The following PSMC5 variants were observed in gnomAD, a reference collection of about 807,000 sequenced individuals.
The protein encoded by PSMC5 is proteasome 26S subunit, ATPase 5.
Under a neutral mutation model 49.1 loss-of-function variants are expected in PSMC5, and 11 were observed. The ratio of observed to expected loss-of-function variants is 0.22; its 90% confidence interval spans 0.14 to 0.37. The LOEUF (loss-of-function observed/expected upper bound fraction) is 0.37, where lower values mean the gene tolerates loss of function less well. Ranked by LOEUF, PSMC5 falls within the 10% of genes least tolerant of loss-of-function variation. PSMC5 has a pLI of 1.00. For missense variants in PSMC5, 229 were observed against 520.9 expected (o/e 0.44, Z 5.45); for synonymous variants, 206 against 192.2 (o/e 1.07, Z -0.59).
At position 63,830,627 on chromosome 17, in the gene PSMC5, G is replaced by GA. The variant is rs1054336460; in HGVS notation, c.552+130dup. The GA allele has an allele frequency of 6.7e-6, 10 of 1,488,504 alleles. No homozygotes were observed. In the African/African-American group the frequency reaches 1.3e-4, roughly 19 times the overall value. 92.2% of individuals were successfully genotyped at this position (1,488,504 alleles called of 1,614,324 possible). On this transcript the variant is annotated intron_variant, in intron 6 of 11. Transcript: ENST00000310144. The surrounding 1 kb of genome is among the most constrained non-coding windows in gnomAD (Gnocchi z 4.0). Reference sequence around the variant, plus strand: ...TCTTGCTTGGGCTGGCCCTCCCCCTGAAAAGAGTGGCTGGGGAAGTGTTCC... The same window carrying GA: ...TCTTGCTTGGGCTGGCCCTCCCCCTGAAAAAGAGTGGCTGGGGAAGTGTTCC...
intron 1 of PSMC5, chr17:63,827,923 G>C: frequency 7.3e-7 from 1 of 1,366,958 alleles, no homozygotes; most frequent in Non-Finnish European, 9.7e-7. Context: ...AGTCGTATGA[G>C]GTAGGCGGCG....
At position 63,831,724 on chromosome 17, in the gene PSMC5, G is replaced by A; in HGVS notation, c.1081G>A (p.Gly361Ser). 1 of 1,614,162 alleles carries A rather than the reference G, an allele frequency of 6.2e-7. No individual in the cohort carries two copies. The highest frequency in any genetic ancestry group is 8.5e-7 in the Non-Finnish European group (1 of 1,180,034). ...GCCTCAATTTCCTTTTCCTGTTCAG[G>A]GCGTGTGCACAGAAGCTGGCATGTA... The part of the protein sequence containing the change: ...MPGASGAEVK[G>S]VCTEAGMYAL... The change falls in exon 11 of 12, where the codon GGC becomes AGC. Residue 361 changes from glycine to serine, a missense_variant and splice_region_variant. Around this residue, in one of 4 missense-constraint regions of PSMC5, gnomAD observed 121 missense variants for 330.6 expected, o/e 0.37. Transcript: ENST00000310144. The surrounding 1 kb of genome is among the most constrained non-coding windows in gnomAD (Gnocchi z 6.3).
Position 63,827,443 on chromosome 17 carries a change from G to A in PSMC5, c.-48G>A. The A allele has an allele frequency of 1.9e-6, 3 of 1,551,720 alleles. No homozygotes were observed. The highest frequency in any genetic ancestry group is 2.6e-6 in the Non-Finnish European group (3 of 1,146,986). On this transcript the variant is annotated 5_prime_UTR_variant, in exon 1 of 12. Transcript: ENST00000310144. The stretch of plus-strand genomic sequence containing the variant: ...GTCCCAATCCTCCGCTTCCGCGCTT[G>A]CGCGCCAAGACGGCTCGGATGCCGG...
chr17:63,830,318 G>A lies in PSMC5; in HGVS notation c.369G>A (p.Leu123=). 6.2e-7 allele frequency: 1 copy of A among 1,614,220 alleles called. No individual in the cohort carries two copies. The highest frequency in any genetic ancestry group is 1.1e-5 in the South Asian group (1 of 91,082). Residue 123 remains leucine, a synonymous_variant, in exon 6 of 12, where the codon CTG becomes CTA. Coordinates refer to ENST00000310144, the MANE Select transcript of PSMC5 (RefSeq NM_002805.6). This position sits in a 1 kb window ranked among gnomAD's most constrained non-coding sequence, Gnocchi z 4.0. The part of the protein sequence containing the change: ...RVALRNDSYT[L]HKILPNKVDP... The stretch of plus-strand genomic sequence containing the variant: ...CTCTAAGGAATGACAGCTACACTCT[G>A]CACAAGATCCTGCCCAACAAGGTAG...
At position 63,831,136 on chromosome 17, in the gene PSMC5, G is replaced by A. The variant is rs1171232854; in HGVS notation, c.780G>A (p.Glu260=). The change falls in exon 8 of 12, where the codon GAG becomes GAA. Residue 260 remains glutamate (E), a synonymous_variant. Transcript: ENST00000310144. The surrounding 1 kb of genome is among the most constrained non-coding windows in gnomAD (Gnocchi z 6.3). The stretch of plus-strand genomic sequence containing the variant: ...ACTCCATCGGCTCCTCGCGGCTGGA[G>A]GGGGGTTCTGGAGGGGACAGTGAAG... ...EIDSIGSSRL[E]GGSGGDSEVQ... 6.4e-7 allele frequency: 1 copy of A among 1,567,670 alleles called. No individual in the cohort carries two copies. Among genetic ancestry groups the A allele is most frequent in the South Asian group, 1.2e-5 (1 of 82,924 alleles).
intron 2 of PSMC5, 105 bp from the exon 3 acceptor site, chr17:63,829,389 G>A (rs1348892085): frequency 3.0e-6 from 3 of 986,276 alleles, no homozygotes; most frequent in African/African-American, 3.3e-5. Flanking sequence ...CAGGTGCCCT[G>A]TGCCCTTCCC....
At position 63,831,490 on chromosome 17, in the gene PSMC5, T is replaced by C. The variant is rs1164260515; in HGVS notation, c.970-16T>C. ...GGGTGGGGTGTGGGGCTCAGGCTTTTCCTTGCCATCTCCAGGCCCGGCTGG... is the reference window on the plus strand; with the variant it reads ...GGGTGGGGTGTGGGGCTCAGGCTTTCCCTTGCCATCTCCAGGCCCGGCTGG... On this transcript the variant is annotated splice_polypyrimidine_tract_variant and intron_variant, in intron 9 of 11. Transcript: ENST00000310144. The surrounding 1 kb of genome is among the most constrained non-coding windows in gnomAD (Gnocchi z 6.3). 6.2e-7 allele frequency: 1 copy of C among 1,613,646 alleles called. No homozygotes were observed. The highest frequency in any genetic ancestry group is 8.5e-7 in the Non-Finnish European group (1 of 1,179,714).
rs1169847802 is a variant in PSMC5, at chr17:63,828,383, C to T, written c.96+174C>T. The T allele has an allele frequency of 6.5e-6, 4 of 612,418 alleles. No homozygotes were observed. In the East Asian group the frequency reaches 1.1e-4, roughly 17 times the overall value. The allele number at this position is 612,418 out of a possible 1,614,324, so 37.9% of individuals were successfully genotyped here. A position where few individuals can be genotyped will look rare whatever the true frequency, so the allele number is the denominator to read the frequency against. On this transcript the variant is annotated intron_variant, in intron 2 of 11. Transcript: ENST00000310144. The stretch of plus-strand genomic sequence containing the variant: ...TATCAGAAGTAAGCAATCTCTTGTT[C>T]TCCTCCAGTCCCATCTCTTTGAGGG...
Position 63,829,480 on chromosome 17 carries a change from C to T in PSMC5, c.97-14C>T, listed in dbSNP as rs754140351. ...TGCCCTTGAATAATGGAATTTGTCT[C>T]TTGTCTGCCACAGCTGATTGTGAAT... On this transcript the variant is annotated splice_polypyrimidine_tract_variant and intron_variant, in intron 2 of 11. Transcript: ENST00000310144. 1 of 1,552,388 alleles carries T rather than the reference C, an allele frequency of 6.4e-7. No individual in the cohort carries two copies. The highest frequency in any genetic ancestry group is 8.7e-7 in the Non-Finnish European group (1 of 1,147,288).
Position 63,827,452 on chromosome 17 carries a change from G to A in PSMC5, c.-39G>A. On this transcript the variant is annotated 5_prime_UTR_variant, in exon 1 of 12. Coordinates refer to ENST00000310144, the MANE Select transcript of PSMC5 (RefSeq NM_002805.6). ...CTCCGCTTCCGCGCTTGCGCGCCAAGACGGCTCGGATGCCGGCGGTCTCTG... is the reference window on the plus strand; with the variant it reads ...CTCCGCTTCCGCGCTTGCGCGCCAAAACGGCTCGGATGCCGGCGGTCTCTG... 1 of 1,551,752 alleles carries A rather than the reference G, an allele frequency of 6.4e-7. No individual in the cohort carries two copies. Among genetic ancestry groups the A allele is most frequent in the South Asian group, 1.2e-5 (1 of 84,070 alleles).
Position 63,831,115 on chromosome 17 carries a change from C to G in PSMC5, c.759C>G (p.Ser253=). The G allele has an allele frequency of 6.4e-7, 1 of 1,569,170 alleles. No individual in the cohort carries two copies. Among genetic ancestry groups the G allele is most frequent in the Non-Finnish European group, 8.6e-7 (1 of 1,156,848 alleles). The change falls in exon 8 of 12, where the codon TCC becomes TCG. Residue 253 remains serine (S), a synonymous_variant. Coordinates refer to ENST00000310144, the MANE Select transcript of PSMC5 (RefSeq NM_002805.6). This position sits in a 1 kb window ranked among gnomAD's most constrained non-coding sequence, Gnocchi z 6.3. ...PSIIFMDEID[S]IGSSRLEGGS... ...TCATCTTCATGGACGAAATCGACTC[C>G]ATCGGCTCCTCGCGGCTGGAGGGGG...
At position 63,831,415 on chromosome 17, in the gene PSMC5, C is replaced by A. The variant is rs1349754006; in HGVS notation, c.959C>A (p.Pro320His). The change falls in exon 9 of 12, where the codon CCC (proline) becomes CAC (histidine). Residue 320 changes from proline (P) to histidine (H), a missense_variant. Pro to His is a moderately conservative substitution (Grantham distance 77). Transcript: ENST00000310144. This position sits in a 1 kb window ranked among gnomAD's most constrained non-coding sequence, Gnocchi z 6.3. ...GACAGAAAAATTGAATTCCCACCCC[C>A]CAATGAGGAGGTTTGTGATGGACAC... is the stretch of plus-strand genomic sequence containing the variant. The part of the protein sequence containing the change: ...RIDRKIEFPP[P>H]NEEARLDILK... The A allele has an allele frequency of 5.0e-6, 8 of 1,613,918 alleles. No individual in the cohort carries two copies. Among genetic ancestry groups the A allele is most frequent in the Non-Finnish European group, 6.8e-6 (8 of 1,179,938 alleles).
At chr17:63,828,239 AGGGTGATGAT>A (rs1434209905) in intron 2 of PSMC5, 30 bp downstream of exon 2, 1 of 1,607,480 alleles carries the variant, frequency 6.2e-7, no homozygotes, top group Admixed American at 1.7e-5. Flanking sequence ...GGAGCTAGGA[AGGGTGATGAT>A]GGGGGATGGA....
Position 63,830,342 on chromosome 17 carries a change from A to T in PSMC5, c.393A>T (p.Val131=), listed in dbSNP as rs368691895. The change falls in exon 6 of 12, where the codon GTA becomes GTT. Residue 131 remains valine, a synonymous_variant. Coordinates refer to ENST00000310144, the MANE Select transcript of PSMC5 (RefSeq NM_002805.6). This position sits in a 1 kb window ranked among gnomAD's most constrained non-coding sequence, Gnocchi z 4.0. ...TGCACAAGATCCTGCCCAACAAGGT[A>T]GACCCATTAGTGTCACTGATGATGG... ...YTLHKILPNK[V]DPLVSLMMVE... is the part of the protein sequence containing the mutation. 11 of 1,614,116 alleles carry T rather than the reference A, an allele frequency of 6.8e-6. No homozygotes were observed. The highest frequency in any genetic ancestry group is 9.3e-6 in the Non-Finnish European group (11 of 1,180,042).
At chr17:63,827,956 C>T (rs2144615144) in intron 1 of PSMC5, 182 bp from the exon 2 acceptor site, 2 of 1,304,270 alleles carry the variant, frequency 1.5e-6, no homozygotes, top group South Asian at 1.5e-5. Context: ...TATTTTAGTC[C>T]TGGGAAAATG....
In PSMC5 at chr17:63,830,773, T is replaced by C; in HGVS notation, c.553-36T>C. On this transcript the variant is annotated intron_variant, in intron 6 of 11. Transcript: ENST00000310144. This position sits in a 1 kb window ranked among gnomAD's most constrained non-coding sequence, Gnocchi z 4.0. Reference sequence around the variant, plus strand: ...TGTTCACTGAATGAAATGAGGGGTGTAGCTTTCTGCCCTGAGTCCTGCTGT... The same window carrying C: ...TGTTCACTGAATGAAATGAGGGGTGCAGCTTTCTGCCCTGAGTCCTGCTGT... 2 of 1,611,866 alleles carry C rather than the reference T, an allele frequency of 1.2e-6. No homozygotes were observed. The highest frequency in any genetic ancestry group is 4.5e-5 in the East Asian group (2 of 44,844).
rs1380286319 is a variant in PSMC5, at chr17:63,830,321, C to T, written c.372C>T (p.His124=). The T allele has an allele frequency of 5.0e-6, 8 of 1,614,168 alleles. No individual in the cohort carries two copies. Among genetic ancestry groups the T allele is most frequent in the South Asian group, 2.2e-5 (2 of 91,078 alleles). ...TAAGGAATGACAGCTACACTCTGCA[C>T]AAGATCCTGCCCAACAAGGTAGACC... ...VALRNDSYTL[H]KILPNKVDPL... is the part of the protein sequence containing the mutation. Residue 124 remains histidine (H), a synonymous_variant, in exon 6 of 12, where the codon CAC becomes CAT. Coordinates refer to ENST00000310144, the MANE Select transcript of PSMC5 (RefSeq NM_002805.6). The surrounding 1 kb of genome is among the most constrained non-coding windows in gnomAD (Gnocchi z 4.0).
At chr17:63,828,112 G>GTTTAAGAC in intron 1 of PSMC5, 26 bp from the exon 2 acceptor site, 1 of 1,613,680 alleles carries the variant, frequency 6.2e-7, no homozygotes, top group Non-Finnish European at 8.5e-7. Flanking sequence ...TTAACCTGTC[G>GTTTAAGAC]TTTAAGACTC....
chr17:63,831,298 G>C lies in PSMC5; in HGVS notation c.871-29G>C. On this transcript the variant is annotated intron_variant, in intron 8 of 11. Coordinates refer to ENST00000310144, the MANE Select transcript of PSMC5 (RefSeq NM_002805.6). This position sits in a 1 kb window ranked among gnomAD's most constrained non-coding sequence, Gnocchi z 6.3. ...CCACGCAGGCTGAGGAAGAGGTTTA[G>C]CTGATCCCCACTTGCTTTCTCTGCT... 3 of 1,613,010 alleles carry C rather than the reference G, an allele frequency of 1.9e-6. No individual in the cohort carries two copies. Among genetic ancestry groups the C allele is most frequent in the East Asian group, 2.2e-5 (1 of 44,852 alleles).
Sources: gnomAD v4.1 joint callset for allele counts on GRCh38, gnomAD v4.1.1 for gene constraint, gnomAD v4.1.1 regional missense constraint, Gnocchi (gnomAD v3.1) non-coding constraint, MANE v1.5 for transcripts, NCBI Gene and HGNC (gene_info 2026-07-23, HGNC 2026-07-21) for gene names.